Variants in ASB14 observed in about 807,000 individuals in gnomAD.
ASB14 encodes the protein ankyrin repeat and SOCS box containing 14.
Under a neutral mutation model 55.6 loss-of-function variants are expected in ASB14, and 63 were observed. That is an observed-to-expected ratio of 1.13 (90% CI 0.92 to 1.40). ASB14 has a LOEUF of 1.40. Among genes scored for constraint, ASB14 ranks in the 40% most tolerant of loss-of-function variants. The pLI, the probability that ASB14 is intolerant of heterozygous loss-of-function variation, is 0.00. For synonymous variants in ASB14, 256 were observed against 259.9 expected (o/e 0.98, Z 0.15); for missense variants, 724 against 710.4 (o/e 1.02, Z -0.22).
At chr3:57,269,693 T>A (rs749913296) in intron 10 of ASB14, 75 bp from the exon 11 acceptor site, 8 of 1,613,552 alleles carry the variant, frequency 5.0e-6, no homozygotes, top group Admixed American at 3.3e-5. Context: ...CATAAGCTTA[T>A]ACTTTTGGTA....
intron 6 of ASB14, among the ~76,000 whole-genome samples, chr3:57,282,315 C>T (rs1352468725): frequency 6.6e-6 from 1 of 152,068 alleles, no homozygotes; most frequent in East Asian, 1.9e-4. Flanking sequence ...AATAATACTT[C>T]TAGACAGGGA....
chr3:57,288,082 C>T, intron 4 of ASB14, 23 bp from the exon 5 acceptor site: 2 of 1,536,178 alleles, frequency 1.3e-6, no homozygotes, highest in Non-Finnish European at 1.7e-6. Context: ...CATCATACCA[C>T]ACAAATTAAG....
chr3:57,287,124 A>G (rs572403493), intron 5 of ASB14, among the ~76,000 whole-genome samples: 7 of 152,150 alleles, frequency 4.6e-5, no homozygotes, highest in South Asian at 2.1e-4. Context: ...GCTTAACTCT[A>G]TTTGTTGAAG....
rs760109193 is a variant in ASB14 at position 57,276,501 on chromosome 3, T to C, written c.*22+27A>G. The C allele has an allele frequency of 1.0e-5, 15 of 1,497,514 alleles. No homozygotes were observed. In the African/African-American group the frequency reaches 2.0e-4, roughly 20 times the overall value. 92.8% of individuals were successfully genotyped at this position (1,497,514 alleles called of 1,614,324 possible). ...ATATGAATCATACATAAGTGAAATTTTAAGGAATACAGCTGCAAAATTATA... is the reference window on the plus strand; with the variant it reads ...ATATGAATCATACATAAGTGAAATTCTAAGGAATACAGCTGCAAAATTATA... On this transcript the variant is annotated intron_variant, in intron 10 of 10. Transcript: ENST00000487349.
At chr3:57,277,067 A>G (rs1468673064) in intron 9 of ASB14, among the ~76,000 whole-genome samples, 1 of 152,060 alleles carries the variant, frequency 6.6e-6, no homozygotes, top group East Asian at 1.9e-4. Flanking sequence ...GGAGTTCGAG[A>G]CCAGCCTGGC....
intron 7 of ASB14, 64 bp downstream of exon 7, chr3:57,280,238 C>A (rs1243137956): frequency 3.9e-6 from 4 of 1,018,858 alleles, no homozygotes; most frequent in Non-Finnish European, 5.4e-6. Context: ...TTCCTAGAAG[C>A]AGCACAAAAT....
intron 2 of ASB14, 96 bp from the exon 3 acceptor site, chr3:57,289,219 T>C: frequency 1.2e-6 from 1 of 802,336 alleles, no homozygotes; most frequent in Non-Finnish European, 2.0e-6. Context: ...TAGCAGTAGT[T>C]AATCCGGGAT....
intron 10 of ASB14, 33 bp downstream of exon 10, chr3:57,276,495 G>GAAATTTTAAGGAATACAGCTGCA: frequency 6.8e-7 from 1 of 1,477,340 alleles, no homozygotes; most frequent in Non-Finnish European, 9.3e-7. Flanking sequence ...ATACATAAGT[G>GAAATTTTAAGGAATACAGCTGCA]AAATTTTAAG....
intron 5 of ASB14, among the ~76,000 whole-genome samples, chr3:57,285,180 A>G (rs1272665332): frequency 6.6e-6 from 1 of 152,146 alleles, no homozygotes; most frequent in African/African-American, 2.4e-5. Flanking sequence ...ATCTCAGGTG[A>G]CCGGCCGGCC....
intron 6 of ASB14, 31 bp from the exon 7 acceptor site, chr3:57,280,504 A>G: frequency 6.6e-7 from 1 of 1,523,714 alleles, no homozygotes; most frequent in Non-Finnish European, 8.9e-7. Context: ...GTTAATGCAA[A>G]AATTATTTTC....
At chr3:57,274,254 G>A (rs544437345) in intron 10 of ASB14, among the ~76,000 whole-genome samples, 12 of 152,330 alleles carry the variant, frequency 7.9e-5, no homozygotes, top group African/African-American at 2.9e-4. Context: ...CAAGGCCATA[G>A]CTGACTGGGC....
chr3:57,278,380 A>T lies in ASB14; in HGVS notation c.1428T>A (p.Thr476=). 1.2e-6 allele frequency: 2 copies of T among 1,611,952 alleles called. No individual in the cohort carries two copies. Among genetic ancestry groups the T allele is most frequent in the Non-Finnish European group, 1.7e-6 (2 of 1,178,078 alleles). Residue 476 remains threonine (T), a synonymous_variant, in exon 8 of 11, where the codon ACT becomes ACA. Coordinates refer to ENST00000487349, the MANE Select transcript of ASB14 (RefSeq NM_001142733.3). ...ACAGCCAATACTGTGGACTTACCTT[A>T]GTATCTTTGATAACTGTAGATGTCC... ...EGWTSTVIKD[T]KFCEVITLSW...
chr3:57,278,503 G>T lies in ASB14; in HGVS notation c.1305C>A (p.Val435=). The change falls in exon 8 of 11, where the codon GTC becomes GTA. Residue 435 remains valine, a synonymous_variant. Coordinates refer to ENST00000487349, the MANE Select transcript of ASB14 (RefSeq NM_001142733.3). ...SALQYTLKDE[V]MLRMLLNYGY... is the part of the protein sequence containing the mutation. ...CATAGTTCAGCAGCATCCTGAGCAT[G>T]ACTTCATCTTTCAGAGTGTATTGCA... 1 of 1,614,148 alleles carries T rather than the reference G, an allele frequency of 6.2e-7. No homozygotes were observed. Among genetic ancestry groups the T allele is most frequent in the South Asian group, 1.1e-5 (1 of 91,060 alleles).
At chr3:57,289,182 A>T in intron 2 of ASB14, 59 bp from the exon 3 acceptor site, 1 of 1,182,670 alleles carries the variant, frequency 8.5e-7, no homozygotes, top group Non-Finnish European at 1.2e-6. Context: ...CTGTTATCTG[A>T]TATAAATCAA....
intron 5 of ASB14, 27 bp downstream of exon 5, chr3:57,287,874 T>C (rs2107628896): frequency 1.3e-6 from 2 of 1,534,956 alleles, no homozygotes; most frequent in East Asian, 2.4e-5. Context: ...TGCCACAGAC[T>C]CTTTCAGAAA....
intron 2 of ASB14, among the ~76,000 whole-genome samples, chr3:57,290,447 C>G (rs2061119937): frequency 6.6e-6 from 1 of 152,198 alleles, no homozygotes; most frequent in Non-Finnish European, 1.5e-5. Flanking sequence ...CTGGGTAATC[C>G]AGAGTACACC....
At position 57,276,672 on chromosome 3, in the gene ASB14, G is replaced by T. The variant is rs1294592137; in HGVS notation, c.1642C>A (p.Arg548=). The T allele has an allele frequency of 1.9e-6, 3 of 1,613,884 alleles. No individual in the cohort carries two copies. Among genetic ancestry groups the T allele is most frequent in the Non-Finnish European group, 1.7e-6 (2 of 1,179,932 alleles). ...CRLKIRKCMG[R]LHLRCPVFMS... The stretch of plus-strand genomic sequence containing the variant: ...AAGACAGGGCAGCGCAAATGTAACC[G>T]TCCCATGCATTTCCGGATCTTTAGG... The change falls in exon 10 of 11, where the codon CGG becomes AGG. Residue 548 remains arginine (R), a synonymous_variant. Transcript: ENST00000487349.
chr3:57,285,711 A>C (rs972337372), intron 5 of ASB14, among the ~76,000 whole-genome samples: 3 of 152,078 alleles, frequency 2.0e-5, no homozygotes, highest in Non-Finnish European at 4.4e-5. Context: ...CAAACTCTCT[A>C]AACTGTCTAC....
intron 5 of ASB14, among the ~76,000 whole-genome samples, chr3:57,285,196 C>G (rs749324098): frequency 1.1e-4 from 17 of 152,118 alleles, no homozygotes; most frequent in Non-Finnish European, 2.5e-4. Flanking sequence ...CGGCCTCGGC[C>G]TCCCAAAGTG....
Sources: allele counts gnomAD v4.1 joint callset (sites outside exome capture counted in the v4.1 genomes callset), GRCh38; gene constraint gnomAD v4.1.1; transcripts MANE v1.5; gene names NCBI Gene and HGNC (gene_info 2026-07-23, HGNC 2026-07-21).